The following LCLAT1 variants were observed in gnomAD, a reference collection of about 807,000 sequenced individuals.
LCLAT1 encodes 1-AGP acyltransferase 8.
LCLAT1 carries 11 observed loss-of-function variants against 30.7 expected under a neutral mutation model. The ratio of observed to expected loss-of-function variants is 0.36; its 90% CI spans 0.23 to 0.59. The LOEUF (loss-of-function observed/expected upper bound fraction) is 0.59, where lower values mean the gene tolerates loss of function less well. Among genes scored for constraint, LCLAT1 ranks in the 20% least tolerant of loss-of-function variants. The pLI is 0.77. For missense variants in LCLAT1, 402 were observed against 458.6 expected (o/e 0.88, Z 1.13); for synonymous variants, 155 against 151.3 (o/e 1.02, Z -0.18).
chr2:30,605,844 G>A (rs1475838993), intron 5 of LCLAT1, among the ~76,000 whole-genome samples: 2 of 152,086 alleles, frequency 1.3e-5, no homozygotes, highest in Non-Finnish European at 2.9e-5. Context: ...CACGGCTCGG[G>A]GAGGGAGTGG....
At chr2:30,573,200 A>T (rs1352975560) in intron 5 of LCLAT1, among the ~76,000 whole-genome samples, 2 of 152,160 alleles carry the variant, frequency 1.3e-5, no homozygotes, top group Non-Finnish European at 2.9e-5. Context: ...GTGAAATCCC[A>T]AACAAGGCCT....
At chr2:30,525,510 A>T in intron 1 of LCLAT1, 77 bp from the exon 2 acceptor site, 1 of 1,118,526 alleles carries the variant, frequency 8.9e-7, no homozygotes, top group South Asian at 1.4e-5. Flanking sequence ...TGATCATTCT[A>T]TGCTCCATCA....
At chr2:30,511,197 C>CTG (rs751396716) in intron 1 of LCLAT1, among the ~76,000 whole-genome samples, 4 of 152,082 alleles carry the variant, frequency 2.6e-5, no homozygotes, top group African/African-American at 4.8e-5. Context: ...TTTATGTGGG[C>CTG]TGTTTATTAG....
chr2:30,449,201 A>G (rs752437806), intron 1 of LCLAT1, among the ~76,000 whole-genome samples: 7 of 152,240 alleles, frequency 4.6e-5, no homozygotes, highest in Non-Finnish European at 7.3e-5. Context: ...CTATCTTCCT[A>G]TGACATACAG....
At chr2:30,454,222 G>A (rs1681709721) in intron 1 of LCLAT1, among the ~76,000 whole-genome samples, 1 of 151,938 alleles carries the variant, frequency 6.6e-6, no homozygotes, top group Admixed American at 6.5e-5. Flanking sequence ...CATCCTTTTT[G>A]CCTTTTCCCC....
rs902035983 is a variant in LCLAT1 at position 30,485,845 on chromosome 2, A to G, written c.-5+38462A>G. Among the ~76,000 whole-genome samples the G allele has an allele frequency of 6.6e-5, 10 of 152,264 alleles. 1 individual carries two copies. The South Asian group carries it at 2.1e-3, about 32-fold the overall frequency. The stretch of plus-strand genomic sequence containing the variant: ...ATAGCAGATTGTTTTTTAGCATGCT[A>G]ATTTACTGCTTTCTTAAACTCCCTT... On this transcript the variant is annotated intron_variant, in intron 1 of 5. Transcript: ENST00000379509.
chr2:30,478,906 A>T (rs555395669), intron 1 of LCLAT1, among the ~76,000 whole-genome samples: 1 of 152,278 alleles, frequency 6.6e-6, no homozygotes, highest in South Asian at 2.1e-4. Context: ...GTAAAAGGGG[A>T]ATCAAGCCTC....
At chr2:30,639,440 A>G (rs1006489334) in intron 5 of LCLAT1, among the ~76,000 whole-genome samples, 1 of 151,896 alleles carries the variant, frequency 6.6e-6, no homozygotes, top group Non-Finnish European at 1.5e-5. Flanking sequence ...ATACAGGATC[A>G]GGGTCTTACT....
chr2:30,562,008 G>T (rs1665247921), intron 3 of LCLAT1, 138 bp from the exon 4 acceptor site: 1 of 499,022 alleles, frequency 2.0e-6, no homozygotes. Flanking sequence ...GATCAGTGCT[G>T]AATTTATGCT....
intron 5 of LCLAT1, among the ~76,000 whole-genome samples, chr2:30,592,030 T>C (rs532608384): frequency 6.8e-4 from 104 of 152,328 alleles, no homozygotes; most frequent in African/African-American, 2.2e-3. Context: ...TGAGAGGTAT[T>C]GTTCATCTTT....
At chr2:30,519,153 A>G (rs1685345742) in intron 1 of LCLAT1, among the ~76,000 whole-genome samples, 1 of 152,150 alleles carries the variant, frequency 6.6e-6, no homozygotes, top group Admixed American at 6.5e-5. Context: ...GCTCATCCCA[A>G]AACCCTACTA....
chr2:30,594,317 A>C (rs930260181), intron 5 of LCLAT1, among the ~76,000 whole-genome samples: 2 of 152,126 alleles, frequency 1.3e-5, no homozygotes, highest in African/African-American at 4.8e-5. Context: ...AAATTTTCAA[A>C]CGTATAGCAA....
chr2:30,533,968 T>C (rs1330737737), intron 3 of LCLAT1, among the ~76,000 whole-genome samples: 1 of 152,208 alleles, frequency 6.6e-6, no homozygotes, highest in Non-Finnish European at 1.5e-5. Context: ...GGGGAAAGAT[T>C]ATAAATATAT....
At chr2:30,508,062 CA>C (rs1558484027) in intron 1 of LCLAT1, among the ~76,000 whole-genome samples, 2 of 152,172 alleles carry the variant, frequency 1.3e-5, no homozygotes, top group African/African-American at 4.8e-5. Flanking sequence ...GCTTTTTCCT[CA>C]TATGCTCGTT....
intron 5 of LCLAT1, among the ~76,000 whole-genome samples, chr2:30,591,086 A>G (rs1666675021): frequency 6.6e-6 from 1 of 152,186 alleles, no homozygotes; most frequent in African/African-American, 2.4e-5. Context: ...ATTGAGGAAA[A>G]TAATGTTACT....
chr2:30,520,216 G>A (rs578250737), intron 1 of LCLAT1, among the ~76,000 whole-genome samples: 4 of 152,170 alleles, frequency 2.6e-5, no homozygotes, highest in African/African-American at 7.2e-5. Flanking sequence ...TCTTGGGAGC[G>A]GCCCACCACC....
At chr2:30,613,482 G>T (rs1667837983) in intron 5 of LCLAT1, among the ~76,000 whole-genome samples, 1 of 151,912 alleles carries the variant, frequency 6.6e-6, no homozygotes, top group Non-Finnish European at 1.5e-5. Flanking sequence ...TGTAGGGGTG[G>T]GTTGCCCCTA....
rs1669323841 is a variant in LCLAT1 at position 30,641,873 on chromosome 2, G to T, written c.*1254G>T. 1 of 149,226 alleles carries T rather than the reference G, an allele frequency of 6.7e-6. No individual in the cohort carries two copies. Among genetic ancestry groups the T allele is most frequent in the African/African-American group, 2.5e-5 (1 of 40,546 alleles). 9.2% of individuals were successfully genotyped at this position (149,226 alleles called of 1,614,324 possible). On this transcript the variant is annotated 3_prime_UTR_variant, in exon 6 of 6. Transcript: ENST00000379509. The stretch of plus-strand genomic sequence containing the variant: ...AGAAAAGTGTTGTCATTTTCACTCT[G>T]TTGGAGCTGCACACTTTTTTTTCTT...
intron 1 of LCLAT1, among the ~76,000 whole-genome samples, chr2:30,522,078 GT>G (rs1466897693): frequency 6.6e-6 from 1 of 152,142 alleles, no homozygotes; most frequent in Non-Finnish European, 1.5e-5. Flanking sequence ...ATGTACTACG[GT>G]TTTGTTTATC....
Sources: gnomAD v4.1 joint callset for allele counts (sites outside exome capture counted in the v4.1 genomes callset) on GRCh38, gnomAD v4.1.1 for gene constraint, MANE v1.5 for transcripts, NCBI Gene and HGNC (gene_info 2026-07-23, HGNC 2026-07-21) for gene names.